Variants in ABCE1 observed in about 807,000 individuals in gnomAD.
The protein encoded by ABCE1 is ATP-binding cassette sub-family E member 1.
ABCE1 carries 22 observed loss-of-function variants against 83.4 expected under a neutral mutation model. The observed-to-expected ratio is 0.26, with a 90% CI of 0.19 to 0.38. The LOEUF (loss-of-function observed/expected upper bound fraction) is 0.38, where lower values mean the gene tolerates loss of function less well. Among genes scored for constraint, ABCE1 ranks in the 10% least tolerant of loss-of-function variants. The probability of loss-of-function intolerance (pLI) is 1.00; values close to 1 mark genes in which losing one functional copy is unlikely to be tolerated. For missense variants in ABCE1, 330 were observed against 721.9 expected, an observed-to-expected ratio of 0.46 and a Z score of 6.22; for synonymous variants, 204 against 233.7, an observed-to-expected ratio of 0.87 and a Z score of 1.16.
At chr4:145,109,375 T>C (rs1246480769) in intron 5 of ABCE1, 126 bp downstream of exon 5, 2 of 540,128 alleles carry the variant, frequency 3.7e-6, no homozygotes, top group African/African-American at 3.9e-5. Flanking sequence ...TGCTGAGAAA[T>C]TTATAAACAA....
At chr4:145,119,238 T>C (rs191460981) in intron 10 of ABCE1, among the ~76,000 whole-genome samples, 226 of 152,046 alleles carry the variant, frequency 1.5e-3, no homozygotes, top group African/African-American at 4.4e-3. Context: ...CACTTAAATA[T>C]AGGAAACACT....
At chr4:145,112,373 T>G (rs1413331698) in intron 9 of ABCE1, 45 bp downstream of exon 9, 1 of 1,299,144 alleles carries the variant, frequency 7.7e-7, no homozygotes, top group Admixed American at 2.4e-5. Context: ...TGTTTGGAGA[T>G]TTTTACAGAT....
At position 145,111,078 on chromosome 4, in the gene ABCE1, C is replaced by G; in HGVS notation, c.710+14C>G. ...GAAAGCTGATATGTAGGTTACTTTA[C>G]AATTTTTGTTTATCTTCATCCGTAT... On this transcript the variant is annotated intron_variant, in intron 8 of 17. Coordinates refer to ENST00000296577, the MANE Select transcript of ABCE1 (RefSeq NM_002940.3). The G allele has an allele frequency of 6.3e-7, 1 of 1,589,588 alleles. No individual in the cohort carries two copies. The highest frequency in any genetic ancestry group is 8.6e-7 in the Non-Finnish European group (1 of 1,163,712).
At chr4:145,107,100 C>A (rs1749327524) in intron 3 of ABCE1, among the ~76,000 whole-genome samples, 1 of 152,002 alleles carries the variant, frequency 6.6e-6, no homozygotes, top group Non-Finnish European at 1.5e-5. Flanking sequence ...CCTGTTTTTG[C>A]TGTTCTTGTT....
chr4:145,109,285 A>C, intron 5 of ABCE1, 36 bp downstream of exon 5: 1 of 1,300,904 alleles, frequency 7.7e-7, no homozygotes, highest in Admixed American at 2.1e-5. Flanking sequence ...TAATATCATG[A>C]GTCAGTTTTA....
At chr4:145,108,262 CAT>C (rs2126702639) in intron 4 of ABCE1, 150 bp downstream of exon 4, 1 of 727,066 alleles carries the variant, frequency 1.4e-6, no homozygotes, top group Non-Finnish European at 2.3e-6. Context: ...AATCATACTG[CAT>C]ATGTCTGTGG....
chr4:145,115,072 A>G (rs1037512050), intron 9 of ABCE1, among the ~76,000 whole-genome samples: 8 of 152,012 alleles, frequency 5.3e-5, no homozygotes, highest in Non-Finnish European at 1.0e-4. Context: ...TTGAAGACTA[A>G]GAGATAGCCC....
intron 16 of ABCE1, among the ~76,000 whole-genome samples, chr4:145,124,182 T>G (rs892960021): frequency 3.9e-5 from 6 of 152,232 alleles, no homozygotes; most frequent in Admixed American, 3.3e-4. Flanking sequence ...AAAGCCTATA[T>G]TATTAGATTG....
intron 8 of ABCE1, among the ~76,000 whole-genome samples, chr4:145,111,862 A>G (rs1454208753): frequency 6.6e-6 from 1 of 152,200 alleles, no homozygotes; most frequent in Non-Finnish European, 1.5e-5. Flanking sequence ...TCTTCTCCAC[A>G]AAGTATTCTA....
chr4:145,119,028 A>T (rs1749675219), intron 10 of ABCE1, among the ~76,000 whole-genome samples: 1 of 151,818 alleles, frequency 6.6e-6, no homozygotes, highest in Non-Finnish European at 1.5e-5. Flanking sequence ...TTAACTTCAC[A>T]TTTATAGGTT....
chr4:145,111,416 C>A (rs1479522492), intron 8 of ABCE1, among the ~76,000 whole-genome samples: 1 of 152,166 alleles, frequency 6.6e-6, no homozygotes, highest in South Asian at 2.1e-4. Flanking sequence ...CTCCACCTCC[C>A]GGGTTCACGC....
chr4:145,125,963 C>T (rs1749874323), intron 17 of ABCE1, among the ~76,000 whole-genome samples: 1 of 152,060 alleles, frequency 6.6e-6, no homozygotes, highest in South Asian at 2.1e-4. Context: ...ATCACTTCAA[C>T]CCAGGAGGTG....
At chr4:145,101,924 A>C (rs926686183) in intron 1 of ABCE1, among the ~76,000 whole-genome samples, 2 of 152,132 alleles carry the variant, frequency 1.3e-5, no homozygotes, top group Admixed American at 6.5e-5. Context: ...CAGTATATAA[A>C]TGGAATTTAA....
intron 2 of ABCE1, among the ~76,000 whole-genome samples, chr4:145,105,051 A>G (rs1453136200): frequency 6.6e-6 from 1 of 152,034 alleles, no homozygotes; most frequent in Non-Finnish European, 1.5e-5. Context: ...GAGGCATAGA[A>G]TTACTGACTC....
chr4:145,117,236 C>T, intron 9 of ABCE1, 57 bp from the exon 10 acceptor site: 1 of 1,442,418 alleles, frequency 6.9e-7, no homozygotes, highest in African/African-American at 1.4e-5. Context: ...TCTGAAATTT[C>T]CAACTATTAA....
intron 11 of ABCE1, among the ~76,000 whole-genome samples, 163 bp downstream of exon 11, chr4:145,120,316 GTGTA>G (rs1369204104): frequency 6.6e-6 from 1 of 151,988 alleles, no homozygotes; most frequent in East Asian, 1.9e-4. Context: ...TTTTGGCATT[GTGTA>G]ATTCAATTTC....
chr4:145,127,406 C>A, intron 17 of ABCE1, 120 bp from the exon 18 acceptor site: 1 of 818,062 alleles, frequency 1.2e-6, no homozygotes, highest in Non-Finnish European at 2.0e-6. Flanking sequence ...ATGGTATGTG[C>A]AGAACAGGTT....
chr4:145,102,201 C>T (rs1749170197), intron 1 of ABCE1, among the ~76,000 whole-genome samples: 2 of 152,036 alleles, frequency 1.3e-5, no homozygotes, highest in Admixed American at 6.6e-5. Context: ...ATGTGAAGAA[C>T]AATGATGGCT....
intron 4 of ABCE1, 53 bp from the exon 5 acceptor site, chr4:145,109,079 G>T: frequency 7.9e-7 from 1 of 1,262,574 alleles, no homozygotes; most frequent in Non-Finnish European, 1.1e-6. Flanking sequence ...ATGTTATGTG[G>T]CTTTTTCTGT....
Sources: allele counts gnomAD v4.1 joint callset (sites outside exome capture counted in the v4.1 genomes callset), GRCh38; gene constraint gnomAD v4.1.1; transcripts MANE v1.5; gene names NCBI Gene and HGNC (gene_info 2026-07-23, HGNC 2026-07-21).